The following GLIS3 variants were observed in gnomAD, a reference collection of about 807,000 sequenced individuals.
GLIS3 encodes the protein GLIS family zinc finger 3.
In GLIS3, 53 loss-of-function variants were observed where a neutral mutation model predicts 78.6. The observed-to-expected ratio is 0.67, with a 90% CI of 0.54 to 0.85. The LOEUF (loss-of-function observed/expected upper bound fraction) is 0.85. Among genes scored for constraint, GLIS3 ranks in the 40% least tolerant of loss-of-function variants. The pLI is 0.00. For missense variants in GLIS3, 1,703 were observed against 1,231.1 expected, an observed-to-expected ratio of 1.38 and a Z score of -5.74; for synonymous variants, 684 against 509.9, an observed-to-expected ratio of 1.34 and a Z score of -4.60.
chr9:4,232,792 C>G (rs1181897585), intron 2 of GLIS3, among the ~76,000 whole-genome samples: 1 of 152,114 alleles, frequency 6.6e-6, no homozygotes, highest in African/African-American at 2.4e-5. Context: ...GTTTTTCCTC[C>G]TAAAATGTCC....
At chr9:4,014,038 G>T (rs1427979069) in intron 4 of GLIS3, among the ~76,000 whole-genome samples, 1 of 152,118 alleles carries the variant, frequency 6.6e-6, no homozygotes, top group Non-Finnish European at 1.5e-5. Context: ...AAAATGAAAG[G>T]CAGACAAATT....
intron 2 of GLIS3, among the ~76,000 whole-genome samples, chr9:4,158,305 T>A (rs925903664): frequency 6.6e-6 from 1 of 152,182 alleles, no homozygotes; most frequent in African/African-American, 2.4e-5. Flanking sequence ...TAAACACATG[T>A]TTGCCATATC....
chr9:3,981,840 G>C (rs1428627334), intron 4 of GLIS3, among the ~76,000 whole-genome samples: 1 of 152,080 alleles, frequency 6.6e-6, no homozygotes, highest in African/African-American at 2.4e-5. Context: ...TGGATGCCTA[G>C]CCACTTTTTG....
At chr9:4,162,481 G>C (rs1389699363) in intron 2 of GLIS3, among the ~76,000 whole-genome samples, 2 of 152,150 alleles carry the variant, frequency 1.3e-5, no homozygotes, top group African/African-American at 4.8e-5. Context: ...ACAATGGAAG[G>C]AAGGTGATAT....
At chr9:3,841,629 G>A (rs1453657089) in intron 9 of GLIS3, among the ~76,000 whole-genome samples, 2 of 152,174 alleles carry the variant, frequency 1.3e-5, no homozygotes, top group Non-Finnish European at 2.9e-5. Context: ...CAGAATGAAG[G>A]GTGGAGGATT....
chr9:4,466,844 C>T, the GLIS3 span, among the ~76,000 whole-genome samples: 1 of 152,238 alleles, frequency 6.6e-6, no homozygotes, highest in East Asian at 1.9e-4. Flanking sequence ...TCGCCTCATC[C>T]AGGAAGTGCA....
the GLIS3 span, among the ~76,000 whole-genome samples, chr9:4,401,781 A>G: frequency 1.3e-5 from 2 of 151,528 alleles, no homozygotes; most frequent in African/African-American, 4.9e-5. Flanking sequence ...TATTTTTAAC[A>G]GACAGTATTT....
chr9:4,276,787 A>C (rs1827075354), intron 2 of GLIS3, among the ~76,000 whole-genome samples: 2 of 152,198 alleles, frequency 1.3e-5, no homozygotes, highest in Admixed American at 6.5e-5. Context: ...AAGCATCAAT[A>C]AATCATACAA....
intron 4 of GLIS3, chr9:3,975,195 G>C (rs1158670122): frequency 6.6e-6 from 1 of 152,132 alleles, no homozygotes; most frequent in Non-Finnish European, 1.5e-5. Context: ...TTGGCTGATG[G>C]AGACAAGCCC....
chr9:4,303,220 A>C (rs1313598207), upstream of GLIS3, among the ~76,000 whole-genome samples: 4 of 151,944 alleles, frequency 2.6e-5, no homozygotes, highest in African/African-American at 9.7e-5. Context: ...AATACAGATA[A>C]GTTGAGCTAA....
At chr9:4,055,015 C>T (rs1177585944) in intron 4 of GLIS3, among the ~76,000 whole-genome samples, 4 of 151,876 alleles carry the variant, frequency 2.6e-5, no homozygotes, top group Non-Finnish European at 5.9e-5. Flanking sequence ...TTTAAAAAAT[C>T]ATGATTATGG....
At chr9:4,274,866 G>A (rs773655095) in intron 2 of GLIS3, among the ~76,000 whole-genome samples, 48 of 152,308 alleles carry the variant, frequency 3.2e-4, no homozygotes, top group Middle Eastern at 3.4e-3. Context: ...GGTCCTGGGG[G>A]AGGCTAAAAC....
At chr9:4,083,120 T>G (rs966723319) in intron 4 of GLIS3, among the ~76,000 whole-genome samples, 1 of 152,204 alleles carries the variant, frequency 6.6e-6, no homozygotes, top group Non-Finnish European at 1.5e-5. Context: ...TTTGATTTAA[T>G]TGAAGCTGAA....
At chr9:4,109,383 C>T (rs921220134) in intron 4 of GLIS3, among the ~76,000 whole-genome samples, 1 of 152,194 alleles carries the variant, frequency 6.6e-6, no homozygotes, top group Non-Finnish European at 1.5e-5. Flanking sequence ...GGTCTCTAGT[C>T]TTCCCCAGAT....
chr9:4,071,366 A>G (rs1487783857), intron 4 of GLIS3: 3 of 152,206 alleles, frequency 2.0e-5, no homozygotes, highest in East Asian at 1.9e-4. Context: ...AACACTTTCA[A>G]CATTCCAAAA....
Position 4,251,753 on chromosome 9 carries a change from T to A in GLIS3, c.388+34285A>T, listed in dbSNP as rs181707164. Among the ~76,000 whole-genome samples, 44 of 152,350 alleles carry A rather than the reference T, an allele frequency of 2.9e-4. No individual in the cohort carries two copies. The East Asian group carries it at 7.7e-3, about 27-fold the overall frequency. On this transcript the variant is annotated intron_variant, in intron 2 of 10. Transcript: ENST00000381971. ...TGCAGTGGCTGGTACCAGTTTTTCCTTTCCATGTTTAGTGCTTCCTTCAGG... is the reference window on the plus strand; with the variant it reads ...TGCAGTGGCTGGTACCAGTTTTTCCATTCCATGTTTAGTGCTTCCTTCAGG...
chr9:4,039,913 C>T (rs1236197292), intron 4 of GLIS3, among the ~76,000 whole-genome samples: 1 of 152,142 alleles, frequency 6.6e-6, no homozygotes, highest in East Asian at 1.9e-4. Context: ...TCGACAAGGC[C>T]AATGGGTCAA....
the GLIS3 span, among the ~76,000 whole-genome samples, chr9:4,390,513 A>C: frequency 6.6e-6 from 1 of 152,198 alleles, no homozygotes; most frequent in Non-Finnish European, 1.5e-5. Context: ...CTATGGGCAC[A>C]CACCATCATG....
intron 4 of GLIS3, among the ~76,000 whole-genome samples, chr9:3,963,165 A>G (rs1204250558): frequency 2.0e-5 from 3 of 152,188 alleles, no homozygotes; most frequent in African/African-American, 4.8e-5. Context: ...TCTTTGAAAG[A>G]CTTATTTTTG....
Sources: allele counts gnomAD v4.1 joint callset (sites outside exome capture counted in the v4.1 genomes callset), GRCh38; gene constraint gnomAD v4.1.1; transcripts MANE v1.5; gene names NCBI Gene and HGNC (gene_info 2026-07-23, HGNC 2026-07-21).